EFNA5: variants seen among roughly 807,000 people sequenced by gnomAD.
EFNA5 encodes the protein ephrin-A5.
Under a neutral mutation model 22.9 loss-of-function variants are expected in EFNA5, and 5 were observed. The ratio of observed to expected loss-of-function variants is 0.22; its 90% CI spans 0.11 to 0.46. EFNA5 has a LOEUF of 0.46. Ranked by LOEUF, EFNA5 falls within the 20% of genes least tolerant of loss-of-function variation. The pLI, the probability that EFNA5 is intolerant of heterozygous loss-of-function variation, is 0.99. For synonymous variants in EFNA5, 113 were observed against 112.2 expected (o/e 1.01, Z -0.04); for missense variants, 237 against 293.3 (o/e 0.81, Z 1.40).
At chr5:107,555,193 A>T (rs1442332293) in intron 1 of EFNA5, among the ~76,000 whole-genome samples, 1 of 152,226 alleles carries the variant, frequency 6.6e-6, no homozygotes, top group Non-Finnish European at 1.5e-5. Context: ...ACACCAGTTC[A>T]CATATGACTG....
intron 1 of EFNA5, among the ~76,000 whole-genome samples, chr5:107,523,920 A>G (rs1010058326): frequency 3.3e-5 from 5 of 152,218 alleles, no homozygotes; most frequent in African/African-American, 4.8e-5. Flanking sequence ...TCATTTCTCT[A>G]TGCTAATAGA....
chr5:107,611,704 T>A (rs1210294544), intron 1 of EFNA5, among the ~76,000 whole-genome samples: 1 of 152,212 alleles, frequency 6.6e-6, no homozygotes, highest in Non-Finnish European at 1.5e-5. Context: ...TGTGCTACTA[T>A]AGTCACAGTG....
chr5:107,536,769 G>A (rs1407046471), intron 1 of EFNA5, among the ~76,000 whole-genome samples: 1 of 152,144 alleles, frequency 6.6e-6, no homozygotes, highest in Non-Finnish European at 1.5e-5. Context: ...GAGACACAGG[G>A]AACACACGGC....
chr5:107,483,973 C>T (rs912401747), intron 1 of EFNA5, among the ~76,000 whole-genome samples: 2 of 152,190 alleles, frequency 1.3e-5, no homozygotes, highest in African/African-American at 4.8e-5. Context: ...TATTTATACA[C>T]TGGAATCCAC....
chr5:107,393,056 G>A (rs767316244), intron 2 of EFNA5, among the ~76,000 whole-genome samples: 1 of 152,194 alleles, frequency 6.6e-6, no homozygotes, highest in Non-Finnish European at 1.5e-5. Flanking sequence ...TTAGCATGAT[G>A]TCTCATTTTA....
At chr5:107,566,136 C>T (rs1748662614) in intron 1 of EFNA5, among the ~76,000 whole-genome samples, 1 of 152,306 alleles carries the variant, frequency 6.6e-6, no homozygotes, top group Non-Finnish European at 1.5e-5. Flanking sequence ...GGTCCCCTCG[C>T]TCCTACCCTC....
intron 1 of EFNA5, among the ~76,000 whole-genome samples, chr5:107,598,197 A>G (rs371230457): frequency 6.6e-6 from 1 of 152,142 alleles, no homozygotes; most frequent in South Asian, 2.1e-4. Context: ...CCCCTCTCTC[A>G]GTAACAAAGA....
chr5:107,626,350 C>T (rs926567065), intron 1 of EFNA5, among the ~76,000 whole-genome samples: 1 of 152,132 alleles, frequency 6.6e-6, no homozygotes, highest in Non-Finnish European at 1.5e-5. Flanking sequence ...GCAGCCATAG[C>T]TCACTGTAAC....
chr5:107,381,026 C>A lies in EFNA5; in HGVS notation c.*229G>T. 1 of 519,958 alleles carries A rather than the reference C, an allele frequency of 1.9e-6. No homozygotes were observed. The highest frequency in any genetic ancestry group is 3.2e-6 in the Non-Finnish European group (1 of 309,988). 32.2% of individuals were successfully genotyped at this position (519,958 alleles called of 1,614,324 possible). On this transcript the variant is annotated 3_prime_UTR_variant, in exon 5 of 5. Transcript: ENST00000333274. ...TTTAATTTGGGAGGGGTGAGAGAAG[C>A]CAAGGGCCAGGGCTGGGGGTGGGGC...
At chr5:107,393,453 T>C (rs1294831535) in intron 2 of EFNA5, among the ~76,000 whole-genome samples, 1 of 152,238 alleles carries the variant, frequency 6.6e-6, no homozygotes, top group Non-Finnish European at 1.5e-5. Context: ...CCTAACCTTA[T>C]TCAGCTTCAA....
chr5:107,447,146 C>A (rs1749419665), intron 1 of EFNA5, among the ~76,000 whole-genome samples: 2 of 152,002 alleles, frequency 1.3e-5, no homozygotes, highest in Non-Finnish European at 2.9e-5. Context: ...GAGAAAGGGG[C>A]CTCAGGAAAG....
intron 1 of EFNA5, among the ~76,000 whole-genome samples, chr5:107,554,371 A>T (rs1748363717): frequency 6.6e-6 from 1 of 152,222 alleles, no homozygotes; most frequent in Non-Finnish European, 1.5e-5. Flanking sequence ...GAATCCTCCC[A>T]TTCTGATATT....
intron 2 of EFNA5, among the ~76,000 whole-genome samples, chr5:107,393,956 G>A (rs908014097): frequency 5.3e-5 from 8 of 152,192 alleles, no homozygotes; most frequent in African/African-American, 1.7e-4. Flanking sequence ...TATGGACTTG[G>A]AAAATGGTTA....
At chr5:107,619,591 T>C (rs1277518979) in intron 1 of EFNA5, among the ~76,000 whole-genome samples, 1 of 151,912 alleles carries the variant, frequency 6.6e-6, no homozygotes, top group Non-Finnish European at 1.5e-5. Context: ...GCCTCTCAAG[T>C]AGCTGGGACT....
intron 1 of EFNA5, among the ~76,000 whole-genome samples, chr5:107,606,443 C>G (rs1749725435): frequency 1.3e-5 from 2 of 151,708 alleles, no homozygotes; most frequent in South Asian, 4.2e-4. Flanking sequence ...CATTCTCTGC[C>G]ATCTATCCAT....
chr5:107,398,316 C>T (rs748711225), intron 2 of EFNA5, among the ~76,000 whole-genome samples: 1 of 152,146 alleles, frequency 6.6e-6, no homozygotes, highest in Non-Finnish European at 1.5e-5. Context: ...CACAATAACC[C>T]TCTTCCAGGT....
At chr5:107,457,292 G>A (rs1300128934) in intron 1 of EFNA5, among the ~76,000 whole-genome samples, 1 of 152,060 alleles carries the variant, frequency 6.6e-6, no homozygotes, top group African/African-American at 2.4e-5. Context: ...CTCCATAGAG[G>A]TGGTAGGAAT....
chr5:107,401,520 C>CT (rs1748083871), intron 2 of EFNA5, among the ~76,000 whole-genome samples: 1 of 152,202 alleles, frequency 6.6e-6, no homozygotes, highest in Non-Finnish European at 1.5e-5. Context: ...AGCCTCTCCC[C>CT]TGTGATACCT....
chr5:107,553,516 T>C (rs1040165506), intron 1 of EFNA5, among the ~76,000 whole-genome samples: 5 of 152,146 alleles, frequency 3.3e-5, no homozygotes, highest in Non-Finnish European at 5.9e-5. Context: ...AGAGACCATC[T>C]CCATTTTACA....
Sources: allele counts gnomAD v4.1 joint callset (sites outside exome capture counted in the v4.1 genomes callset), GRCh38; gene constraint gnomAD v4.1.1; transcripts MANE v1.5; gene names NCBI Gene and HGNC (gene_info 2026-07-23, HGNC 2026-07-21).